The following BICC1 variants were observed in gnomAD, a reference collection of about 807,000 sequenced individuals.
BICC1 encodes protein bicaudal C homolog 1.
Under a neutral mutation model 111.0 loss-of-function variants are expected in BICC1, and 43 were observed. The ratio of observed to expected loss-of-function variants is 0.39; its 90% CI spans 0.30 to 0.50. BICC1 has a LOEUF of 0.50. Ranked by LOEUF, BICC1 falls within the 20% of genes least tolerant of loss-of-function variation. The probability of loss-of-function intolerance (pLI) is 0.88; values close to 1 mark genes in which losing one functional copy is unlikely to be tolerated. For synonymous variants in BICC1, 467 were observed against 434.4 expected, an observed-to-expected ratio of 1.07 and a Z score of -0.93; for missense variants, 1,091 against 1,203.2, an observed-to-expected ratio of 0.91 and a Z score of 1.38.
chr10:58,820,618 C>G, intron 20 of BICC1, 150 bp downstream of exon 20: 1 of 595,534 alleles, frequency 1.7e-6, no homozygotes, highest in South Asian at 1.9e-5. Flanking sequence ...AACAGTGTGA[C>G]AGATCCTGAG....
intron 3 of BICC1, among the ~76,000 whole-genome samples, chr10:58,729,922 G>C (rs1228608064): frequency 6.6e-6 from 1 of 152,122 alleles, no homozygotes; most frequent in Non-Finnish European, 1.5e-5. Flanking sequence ...GGTTTTGTGA[G>C]GACACAGATT....
At chr10:58,515,402 T>C (rs1374832145) in intron 1 of BICC1, among the ~76,000 whole-genome samples, 1 of 152,178 alleles carries the variant, frequency 6.6e-6, no homozygotes, top group Non-Finnish European at 1.5e-5. Flanking sequence ...CTATATGGTA[T>C]AGTCTATTGC....
intron 3 of BICC1, among the ~76,000 whole-genome samples, chr10:58,764,450 C>T (rs1031487861): frequency 2.0e-5 from 3 of 152,004 alleles, no homozygotes; most frequent in African/African-American, 7.3e-5. Context: ...CTGGAATTCA[C>T]TTGTGGATGA....
chr10:58,546,353 T>C (rs1843137184), intron 1 of BICC1, among the ~76,000 whole-genome samples: 1 of 152,214 alleles, frequency 6.6e-6, no homozygotes, highest in Non-Finnish European at 1.5e-5. Flanking sequence ...CTGGTTGTTG[T>C]CCTGTGAAAA....
intron 2 of BICC1, among the ~76,000 whole-genome samples, chr10:58,694,491 T>A (rs1242279504): frequency 6.6e-6 from 1 of 152,184 alleles, no homozygotes. Flanking sequence ...TGTAAACTTG[T>A]GTTGTTGAGG....
At chr10:58,648,974 C>T (rs1296336503) in intron 2 of BICC1, among the ~76,000 whole-genome samples, 2 of 152,176 alleles carry the variant, frequency 1.3e-5, no homozygotes, top group Non-Finnish European at 2.9e-5. Flanking sequence ...ACTTCTCCTT[C>T]ACACTTAATG....
intron 2 of BICC1, among the ~76,000 whole-genome samples, chr10:58,679,378 C>T (rs949820293): frequency 1.3e-5 from 2 of 152,146 alleles, no homozygotes; most frequent in Non-Finnish European, 2.9e-5. Flanking sequence ...CACAGAAATA[C>T]AAACTACCAT....
chr10:58,648,665 C>T, intron 2 of BICC1: 1 of 984,888 alleles, frequency 1.0e-6, no homozygotes. Context: ...CATCAGAACG[C>T]TAAGGTACAG....
chr10:58,820,079 T>A (rs147332289), intron 19 of BICC1, among the ~76,000 whole-genome samples: 1 of 152,286 alleles, frequency 6.6e-6, no homozygotes, highest in East Asian at 1.9e-4. Context: ...TTCTCTTCTC[T>A]GAACAGATAA....
intron 3 of BICC1, among the ~76,000 whole-genome samples, chr10:58,784,421 G>A (rs12415535): frequency 6.6e-6 from 1 of 152,112 alleles, no homozygotes; most frequent in Non-Finnish European, 1.5e-5. Flanking sequence ...TGAAAGTTAA[G>A]GTTTTTTTTC....
At chr10:58,824,326 AGACTT>A (rs1844334905) in intron 20 of BICC1, among the ~76,000 whole-genome samples, 1 of 152,200 alleles carries the variant, frequency 6.6e-6, no homozygotes, top group Admixed American at 6.5e-5. Context: ...CCCTTAAAGA[AGACTT>A]GAATAGGGCA....
chr10:58,688,054 G>A (rs1839796560), intron 2 of BICC1, among the ~76,000 whole-genome samples: 1 of 152,082 alleles, frequency 6.6e-6, no homozygotes, highest in African/African-American at 2.4e-5. Context: ...TGGGTTCGTG[G>A]TCTTGCCGAC....
intron 20 of BICC1, among the ~76,000 whole-genome samples, chr10:58,821,173 G>A (rs115299993): frequency 1.2e-3 from 178 of 152,228 alleles, no homozygotes; most frequent in African/African-American, 3.7e-3. Flanking sequence ...TCAAAAAAGC[G>A]TTTAGAAAAA....
chr10:58,699,387 C>G (rs554023826), intron 2 of BICC1, among the ~76,000 whole-genome samples: 2 of 152,150 alleles, frequency 1.3e-5, no homozygotes, highest in Non-Finnish European at 2.9e-5. Context: ...ACCTGCTGCT[C>G]TTAGGATATT....
At chr10:58,809,629 A>G (rs770815731) in intron 17 of BICC1, among the ~76,000 whole-genome samples, 6 of 152,214 alleles carry the variant, frequency 3.9e-5, no homozygotes, top group Non-Finnish European at 8.8e-5. Context: ...GAAAGATGAG[A>G]TTATGTTTAT....
At chr10:58,553,864 C>T (rs777729834) in intron 1 of BICC1, among the ~76,000 whole-genome samples, 1 of 151,500 alleles carries the variant, frequency 6.6e-6, no homozygotes, top group East Asian at 1.9e-4. Context: ...GTAAAAAAAA[C>T]CAGTCTACTG....
chr10:58,759,924 A>C (rs189529443), intron 3 of BICC1, among the ~76,000 whole-genome samples: 79 of 150,148 alleles, frequency 5.3e-4, no homozygotes, highest in Non-Finnish European at 8.6e-4. Context: ...GCGCTACCAC[A>C]CTCCAGCCTG....
chr10:58,640,584 C>T (rs777707467), intron 2 of BICC1, among the ~76,000 whole-genome samples: 10 of 152,156 alleles, frequency 6.6e-5, no homozygotes, highest in Non-Finnish European at 1.2e-4. Context: ...GTTATTGCAG[C>T]CATGGGATAC....
intron 3 of BICC1, among the ~76,000 whole-genome samples, chr10:58,745,831 G>T (rs1377831907): frequency 6.6e-6 from 1 of 152,038 alleles, no homozygotes; most frequent in Non-Finnish European, 1.5e-5. Context: ...TTGCCGTGTA[G>T]CCTAACACAG....
Sources: allele counts gnomAD v4.1 joint callset (sites outside exome capture counted in the v4.1 genomes callset), GRCh38; gene constraint gnomAD v4.1.1; transcripts MANE v1.5; gene names NCBI Gene and HGNC (gene_info 2026-07-23, HGNC 2026-07-21).